GOLGA4: variants seen among roughly 807,000 people sequenced by gnomAD.
GOLGA4 encodes golgin A4.
A neutral mutation model predicts 265.9 loss-of-function variants in GOLGA4; 169 were observed. The ratio of observed to expected loss-of-function variants is 0.64; its 90% CI spans 0.56 to 0.72. The LOEUF is 0.72. Ranked by LOEUF, GOLGA4 falls within the 30% of genes least tolerant of loss-of-function variation. The pLI is 0.00. For synonymous variants in GOLGA4, 923 were observed against 855.8 expected, an observed-to-expected ratio of 1.08 and a Z score of -1.37; for missense variants, 2,482 against 2,483.4, an observed-to-expected ratio of 1.00 and a Z score of 0.01.
intron 19 of GOLGA4, among the ~76,000 whole-genome samples, 200 bp from the exon 20 acceptor site, chr3:37,339,924 T>C (rs1362310009): frequency 1.3e-5 from 2 of 152,120 alleles, no homozygotes; most frequent in East Asian, 3.8e-4. Context: ...CTGTGTTCTT[T>C]TGGTATCATA....
chr3:37,281,915 G>T (rs530434781), intron 2 of GOLGA4, 43 bp from the exon 3 acceptor site: 1 of 1,368,492 alleles, frequency 7.3e-7, no homozygotes, highest in African/African-American at 1.4e-5. Context: ...AAGTCTAAAT[G>T]TATGTATTTT....
intron 23 of GOLGA4, among the ~76,000 whole-genome samples, chr3:37,364,592 C>G (rs1273989899): frequency 7.8e-6 from 1 of 128,442 alleles, no homozygotes; most frequent in Non-Finnish European, 1.7e-5. Context: ...TATGTCATAG[C>G]TTTTTTTTTT....
At chr3:37,274,441 C>T (rs2096808159) in intron 2 of GOLGA4, among the ~76,000 whole-genome samples, 1 of 152,070 alleles carries the variant, frequency 6.6e-6, no homozygotes. Flanking sequence ...CCTGTTATCC[C>T]AGCACTTTAG....
rs115106114 is a variant in GOLGA4, at chr3:37,335,509, C to T, written c.6306+343C>T. 6.5e-3 allele frequency among the ~76,000 whole-genome samples: 994 copies of T among 152,160 alleles called. 14 individuals are homozygous for T. The highest frequency in any genetic ancestry group is 0.022 in the African/African-American group (929 of 41,508). ...CCCTGGAGCATAGCTAAAAATGGTC[C>T]ATTGTAAATGTGATACTTTTAGATT... is the stretch of plus-strand genomic sequence containing the variant. On this transcript the variant is annotated intron_variant, in intron 17 of 23. Coordinates refer to ENST00000361924, the MANE Select transcript of GOLGA4 (RefSeq NM_002078.5).
At chr3:37,275,947 C>T in intron 2 of GOLGA4, 1 of 1,613,476 alleles carries the variant, frequency 6.2e-7, no homozygotes, top group Non-Finnish European at 8.5e-7. Flanking sequence ...CTGAGAAAGA[C>T]CTTGACGAAA....
At chr3:37,354,999 A>G (rs941808340) in intron 21 of GOLGA4, 102 bp from the exon 22 acceptor site, 15 of 705,658 alleles carry the variant, frequency 2.1e-5, no homozygotes, top group Non-Finnish European at 3.6e-5. Context: ...CGTGGCTTTC[A>G]TTGAGAGCAC....
chr3:37,245,752 T>C (rs1370753991), intron 1 of GOLGA4, among the ~76,000 whole-genome samples: 2 of 152,086 alleles, frequency 1.3e-5, no homozygotes, highest in Admixed American at 6.6e-5. Context: ...TTGGATTATA[T>C]GTATATTCAC....
chr3:37,273,703 T>A, intron 2 of GOLGA4: 1 of 709,678 alleles, frequency 1.4e-6, no homozygotes, highest in Non-Finnish European at 2.5e-6. Flanking sequence ...AATGGTGATG[T>A]CCAAATATTC....
intron 20 of GOLGA4, among the ~76,000 whole-genome samples, chr3:37,343,652 CT>C (rs2097046600): frequency 6.6e-6 from 1 of 152,198 alleles, no homozygotes; most frequent in Non-Finnish European, 1.5e-5. Flanking sequence ...AGAAAACCAA[CT>C]TACTTGTCAT....
Position 37,286,081 on chromosome 3 carries a change from C to G in GOLGA4, c.525+20C>G. On this transcript the variant is annotated intron_variant, in intron 4 of 23. Transcript: ENST00000361924. Reference sequence around the variant, plus strand: ...CTACAAGTAAGTGATTTGTCAACTGCATTACTGAGTCATAATTTTTAAATC... The same window carrying G: ...CTACAAGTAAGTGATTTGTCAACTGGATTACTGAGTCATAATTTTTAAATC... 1 of 1,297,942 alleles carries G rather than the reference C, an allele frequency of 7.7e-7. No individual in the cohort carries two copies. Among genetic ancestry groups the G allele is most frequent in the Non-Finnish European group, 1.1e-6 (1 of 912,848 alleles). 80.4% of individuals were successfully genotyped at this position (1,297,942 alleles called of 1,614,324 possible). A position where few individuals can be genotyped will look rare whatever the true frequency, so the allele number is the denominator to read the frequency against.
chr3:37,340,311 T>G, intron 20 of GOLGA4, 112 bp downstream of exon 20: 1 of 493,866 alleles, frequency 2.0e-6, no homozygotes, highest in South Asian at 4.0e-5. Context: ...TTTAAAATTT[T>G]TAATGATTTT....
chr3:37,333,148 C>T (rs2096996784), intron 16 of GOLGA4, among the ~76,000 whole-genome samples: 1 of 152,184 alleles, frequency 6.6e-6, no homozygotes, highest in South Asian at 2.1e-4. Context: ...GTTGGAGACT[C>T]ACAAGTAGGG....
intron 8 of GOLGA4, 74 bp from the exon 9 acceptor site, chr3:37,299,214 A>G (rs971281104): frequency 7.5e-5 from 78 of 1,044,426 alleles, no homozygotes; most frequent in Admixed American, 2.2e-4. Context: ...TATATAAATT[A>G]GATAAATGTT....
intron 22 of GOLGA4, 110 bp downstream of exon 22, chr3:37,355,297 C>A: frequency 1.5e-6 from 1 of 649,874 alleles, no homozygotes; most frequent in South Asian, 1.8e-5. Flanking sequence ...GATTTCAAAT[C>A]TTTATTATAT....
chr3:37,314,856 A>G (rs2096933222), intron 10 of GOLGA4, among the ~76,000 whole-genome samples: 1 of 152,228 alleles, frequency 6.6e-6, no homozygotes. Context: ...TTATACAAAT[A>G]GTAAGTTTCA....
At position 37,326,799 on chromosome 3, in the gene GOLGA4, C is replaced by T. The variant is rs1186368183; in HGVS notation, c.4913C>T (p.Ala1638Val). The T allele has an allele frequency of 1.2e-6, 2 of 1,612,972 alleles. No homozygotes were observed. The highest frequency in any genetic ancestry group is 1.1e-5 in the South Asian group (1 of 90,986). Residue 1638 changes from alanine to valine, a missense_variant, in exon 14 of 24, where the codon GCA becomes GTA. By Grantham distance (64) the Ala-to-Val change is moderately conservative. This residue lies in a region of GOLGA4 where 942 missense variants were observed against 983.1 expected (regional missense o/e 0.96). Coordinates refer to ENST00000361924, the MANE Select transcript of GOLGA4 (RefSeq NM_002078.5). The part of the protein sequence containing the change: ...RLESESAAKL[A>V]ELKRKAEQKI... ...GAGTCAGAAAGTGCTGCAAAATTAG[C>T]AGAGTTGAAGAGAAAAGCTGAACAA...
intron 2 of GOLGA4, among the ~76,000 whole-genome samples, chr3:37,262,746 T>C (rs549553639): frequency 6.6e-6 from 1 of 152,164 alleles, no homozygotes; most frequent in Admixed American, 6.5e-5. Flanking sequence ...CTATTTATTT[T>C]TATTTAAAAA....
chr3:37,315,722 T>C (rs781333765), intron 11 of GOLGA4, 124 bp downstream of exon 11: 118 of 834,344 alleles, frequency 1.4e-4, no homozygotes, highest in Non-Finnish European at 1.7e-4. Context: ...TTTTCTGATA[T>C]TCAGGTTGTA....
intron 2 of GOLGA4, among the ~76,000 whole-genome samples, chr3:37,278,771 T>C (rs2096826391): frequency 6.6e-6 from 1 of 152,042 alleles, no homozygotes; most frequent in Admixed American, 6.5e-5. Flanking sequence ...TATGATCTCA[T>C]TAATTCTCAT....
Sources: allele counts gnomAD v4.1 joint callset (sites outside exome capture counted in the v4.1 genomes callset), GRCh38; gene constraint gnomAD v4.1.1; regional missense constraint gnomAD v4.1.1; transcripts MANE v1.5; gene names NCBI Gene and HGNC (gene_info 2026-07-23, HGNC 2026-07-21).